The following PCNX2 variants were observed in gnomAD, a reference collection of about 807,000 sequenced individuals.
PCNX2 encodes pecanex 2.
A neutral mutation model predicts 223.8 loss-of-function variants in PCNX2; 168 were observed. That is an observed-to-expected ratio of 0.75 (90% CI 0.66 to 0.85). PCNX2 has a LOEUF of 0.85. Ranked by LOEUF, PCNX2 falls within the 40% of genes least tolerant of loss-of-function variation. PCNX2 has a pLI of 0.00. For synonymous variants in PCNX2, 1,006 were observed against 1,052.6 expected, an observed-to-expected ratio of 0.96 and a Z score of 0.86; for missense variants, 2,507 against 2,675.5, an observed-to-expected ratio of 0.94 and a Z score of 1.39.
At position 233,083,432 on chromosome 1, in the gene PCNX2, C is replaced by A. The variant is rs367716643; in HGVS notation, c.4076+6629G>T. Among the ~76,000 whole-genome samples the A allele has an allele frequency of 6.6e-5, 10 of 152,298 alleles. No homozygotes were observed. The East Asian group carries it at 1.4e-3, about 21-fold the overall frequency. Reference sequence around the variant, plus strand: ...ATTCAACTCAATGAAGAGCTCACAGCTGTAACAGCACTCACAGGGGCTGCC... The same window carrying A: ...ATTCAACTCAATGAAGAGCTCACAGATGTAACAGCACTCACAGGGGCTGCC... On this transcript the variant is annotated intron_variant, in intron 23 of 33. Transcript: ENST00000258229.
At chr1:233,134,838 C>T in intron 21 of PCNX2, 175 bp downstream of exon 21, 1 of 610,184 alleles carries the variant, frequency 1.6e-6, no homozygotes, top group Non-Finnish European at 2.8e-6. Flanking sequence ...GGCATACTTA[C>T]ATTCCATGGG....
chr1:233,196,715 G>A (rs565988885), intron 15 of PCNX2, among the ~76,000 whole-genome samples: 80 of 152,244 alleles, frequency 5.3e-4, no homozygotes, highest in African/African-American at 1.9e-3. Context: ...CTGTCAGCAA[G>A]AACCTAGAAC....
intron 28 of PCNX2, among the ~76,000 whole-genome samples, chr1:233,005,688 G>C (rs936231623): frequency 2.0e-5 from 3 of 152,222 alleles, no homozygotes; most frequent in African/African-American, 7.2e-5. Flanking sequence ...ATGAAGAGGG[G>C]AAGGTGGTGA....
intron 1 of PCNX2, among the ~76,000 whole-genome samples, chr1:233,263,863 G>C (rs1219876564): frequency 6.6e-6 from 1 of 152,094 alleles, no homozygotes; most frequent in Non-Finnish European, 1.5e-5. Context: ...AACACAAAAA[G>C]CCTTGTGGAG....
At position 233,258,404 on chromosome 1, in the gene PCNX2, T is replaced by C; in HGVS notation, c.1458A>G (p.Ser486=). Residue 486 remains serine, a synonymous_variant, in exon 5 of 34, where the codon TCA becomes TCG. Coordinates refer to ENST00000258229, the MANE Select transcript of PCNX2 (RefSeq NM_014801.4). ...GNAIKDHSSS[S]REPWESVSRL... ...GGGACACCGATTCCCAGGGTTCCCG[T>C]GATGAAGAACTGTGATCCTTGATGG... 6.2e-7 allele frequency: 1 copy of C among 1,613,912 alleles called. No individual in the cohort carries two copies. Among genetic ancestry groups the C allele is most frequent in the South Asian group, 1.1e-5 (1 of 91,082 alleles).
intron 10 of PCNX2, among the ~76,000 whole-genome samples, chr1:233,226,345 C>A (rs149808402): frequency 1.1e-4 from 17 of 152,328 alleles, no homozygotes; most frequent in African/African-American, 3.8e-4. Flanking sequence ...TCTCAGCTCA[C>A]TGCAGCCTCC....
the PCNX2 span, among the ~76,000 whole-genome samples, chr1:233,326,113 T>G: frequency 6.6e-6 from 1 of 152,204 alleles, no homozygotes; most frequent in African/African-American, 2.4e-5. Context: ...TATAAAGTAC[T>G]TAAAATTAAG....
chr1:233,006,980 C>T (rs562217068), intron 28 of PCNX2, among the ~76,000 whole-genome samples: 6 of 151,986 alleles, frequency 3.9e-5, no homozygotes, highest in South Asian at 2.1e-4. Context: ...GTGCCTTATT[C>T]CTCTCTGTGG....
intron 17 of PCNX2, among the ~76,000 whole-genome samples, chr1:233,162,040 A>G (rs1678518982): frequency 6.6e-6 from 1 of 150,768 alleles, no homozygotes; most frequent in Non-Finnish European, 1.5e-5. Flanking sequence ...AGATATATGC[A>G]AGAGGTACAC....
intron 21 of PCNX2, among the ~76,000 whole-genome samples, chr1:233,117,500 C>G (rs1157977845): frequency 6.7e-6 from 1 of 150,102 alleles, no homozygotes; most frequent in Non-Finnish European, 1.5e-5. Context: ...ATTCGGGAGG[C>G]TGAGGCAGGA....
At chr1:233,244,620 G>C (rs79606601) in intron 8 of PCNX2, among the ~76,000 whole-genome samples, 1,654 of 152,232 alleles carry the variant, frequency 0.011, 22 homozygotes, top group African/African-American at 0.038. Flanking sequence ...GATGAGGCAG[G>C]AGAATTGTTG....
At chr1:233,175,623 T>G (rs1245843720) in intron 17 of PCNX2, among the ~76,000 whole-genome samples, 1 of 152,206 alleles carries the variant, frequency 6.6e-6, no homozygotes, top group Non-Finnish European at 1.5e-5. Flanking sequence ...AATGTCAGTT[T>G]GACCTTCTCC....
chr1:233,188,906 G>A (rs1572044375), intron 15 of PCNX2, among the ~76,000 whole-genome samples: 2 of 152,156 alleles, frequency 1.3e-5, no homozygotes, highest in African/African-American at 4.8e-5. Context: ...CTTCAAGTTT[G>A]CCAGATAATG....
At chr1:233,059,011 C>T (rs889467811) in intron 23 of PCNX2, among the ~76,000 whole-genome samples, 2 of 152,130 alleles carry the variant, frequency 1.3e-5, no homozygotes, top group African/African-American at 4.8e-5. Context: ...TTGCTCCAAG[C>T]CTGTTGGTTT....
chr1:233,191,714 G>C (rs1404650631), intron 15 of PCNX2, among the ~76,000 whole-genome samples: 1 of 152,180 alleles, frequency 6.6e-6, no homozygotes, highest in Non-Finnish European at 1.5e-5. Context: ...AACAGGAAAA[G>C]ACCTCTGCTA....
chr1:233,011,052 C>T (rs1267316088), intron 28 of PCNX2, among the ~76,000 whole-genome samples: 1 of 152,168 alleles, frequency 6.6e-6, no homozygotes, highest in African/African-American at 2.4e-5. Context: ...TACAGTACAC[C>T]TAAGGACATA....
chr1:233,121,439 AC>A (rs1424813679), intron 21 of PCNX2, among the ~76,000 whole-genome samples: 1 of 152,238 alleles, frequency 6.6e-6, no homozygotes, highest in Non-Finnish European at 1.5e-5. Flanking sequence ...TTCAAAGCTC[AC>A]TATAAAATGA....
At chr1:233,149,390 A>G (rs1377832257) in intron 19 of PCNX2, among the ~76,000 whole-genome samples, 1 of 152,120 alleles carries the variant, frequency 6.6e-6, no homozygotes, top group Non-Finnish European at 1.5e-5. Flanking sequence ...ACCAATTCAA[A>G]CCTTGAATTA....
At chr1:232,998,506 A>C in intron 31 of PCNX2, 68 bp from the exon 32 acceptor site, 2 of 1,542,798 alleles carry the variant, frequency 1.3e-6, no homozygotes, top group Non-Finnish European at 1.8e-6. Flanking sequence ...ATGCACCACC[A>C]TGGCCTTGCC....
Sources: gnomAD v4.1 joint callset for allele counts (sites outside exome capture counted in the v4.1 genomes callset) on GRCh38, gnomAD v4.1.1 for gene constraint, MANE v1.5 for transcripts, NCBI Gene and HGNC (gene_info 2026-07-23, HGNC 2026-07-21) for gene names.